GLDN: variants seen among roughly 807,000 people sequenced by gnomAD.
GLDN encodes the protein collomin.
GLDN carries 47 observed loss-of-function variants against 56.5 expected under a neutral mutation model. That is an observed-to-expected ratio of 0.83 (90% CI 0.66 to 1.06). The LOEUF (loss-of-function observed/expected upper bound fraction) is 1.06. GLDN is among the 50% of genes least tolerant of loss of function. GLDN has a pLI of 0.00. For synonymous variants in GLDN, 332 were observed against 278.8 expected (o/e 1.19, Z -1.90); for missense variants, 782 against 714.3 (o/e 1.09, Z -1.08).
chr15:51,360,361 C>G (rs992049819), intron 1 of GLDN: 4 of 152,302 alleles, frequency 2.6e-5, no homozygotes, highest in African/African-American at 9.7e-5. Context: ...ACTGCCCAAA[C>G]AATAAGCTGC....
intron 2 of GLDN, 145 bp from the exon 3 acceptor site, chr15:51,383,291 T>G: frequency 1.2e-6 from 1 of 860,922 alleles, no homozygotes; most frequent in Non-Finnish European, 1.9e-6. Flanking sequence ...AAGGGTCTTT[T>G]GGCCAAATAT....
At chr15:51,399,046 C>A (rs777737988) in intron 6 of GLDN, among the ~76,000 whole-genome samples, 2 of 152,174 alleles carry the variant, frequency 1.3e-5, no homozygotes, top group Non-Finnish European at 2.9e-5. Flanking sequence ...GGTTGCCAAG[C>A]ATTTGCATCT....
intron 1 of GLDN, among the ~76,000 whole-genome samples, chr15:51,342,284 T>A (rs2036901058): frequency 6.6e-6 from 1 of 152,258 alleles, no homozygotes; most frequent in South Asian, 2.1e-4. Flanking sequence ...ACCTCTGACA[T>A]TCTTTGAGTC....
intron 1 of GLDN, among the ~76,000 whole-genome samples, chr15:51,361,670 T>TC (rs2037302556): frequency 6.6e-6 from 1 of 152,192 alleles, no homozygotes; most frequent in Non-Finnish European, 1.5e-5. Flanking sequence ...CATATATATA[T>TC]CCCTGTTCTC....
At position 51,404,405 on chromosome 15, in the gene GLDN, T is replaced by G. The variant is rs1254532807; in HGVS notation, c.1307T>G (p.Ile436Ser). Residue 436 changes from isoleucine to serine, a missense_variant, in exon 10 of 10, where the codon ATT (isoleucine) becomes AGT (serine). Physicochemically the swap from Ile to Ser is moderately radical, Grantham distance 142 (BLOSUM62 -2). Coordinates refer to ENST00000335449, the MANE Select transcript of GLDN (RefSeq NM_181789.4). ...NLAVDEKGLW[I>S]IYASSVDGSS... ...GCTGTAGATGAAAAGGGCCTTTGGA[T>G]TATCTATGCGTCAAGTGTGGACGGC... 1.2e-6 allele frequency: 2 copies of G among 1,614,178 alleles called. No homozygotes were observed. Among genetic ancestry groups the G allele is most frequent in the South Asian group, 2.2e-5 (2 of 91,066 alleles).
At position 51,406,428 on chromosome 15, in the gene GLDN, G is replaced by A. The variant is rs1201818509; in HGVS notation, c.*1674G>A. 1 of 152,172 alleles carries A rather than the reference G, an allele frequency of 6.6e-6. No individual in the cohort carries two copies. The highest frequency in any genetic ancestry group is 1.5e-5 in the Non-Finnish European group (1 of 68,022). 9.4% of individuals were successfully genotyped at this position (152,172 alleles called of 1,614,324 possible). The stretch of plus-strand genomic sequence containing the variant: ...ATTTTTCAGCAACTTGTCCCAATTT[G>A]TGTGTATTCTGAAACTTTCTCTTTG... On this transcript the variant is annotated 3_prime_UTR_variant, in exon 10 of 10. Transcript: ENST00000335449.
intron 1 of GLDN, among the ~76,000 whole-genome samples, chr15:51,350,862 G>A (rs1478137691): frequency 1.3e-5 from 2 of 152,132 alleles, no homozygotes; most frequent in Non-Finnish European, 2.9e-5. Context: ...CAAATGAATG[G>A]CATGAAACCA....
chr15:51,373,014 T>A (rs1301904878), intron 1 of GLDN, among the ~76,000 whole-genome samples: 2 of 151,936 alleles, frequency 1.3e-5, no homozygotes, highest in Non-Finnish European at 2.9e-5. Flanking sequence ...GAGGGTGGAG[T>A]TCTGCAGACC....
At position 51,356,332 on chromosome 15, in the gene GLDN, A is replaced by T. The variant is rs188415743; in HGVS notation, c.363+14285A>T. Among the ~76,000 whole-genome samples the T allele has an allele frequency of 9.2e-3, 1,397 of 152,258 alleles. 27 individuals carry two copies. The highest frequency in any genetic ancestry group is 8.9e-3 in the Non-Finnish European group (604 of 68,010). ...TAGAACACCTCTGACAAAAGGAGCCACTTGGTCCAGATCCATTTAACATCA... is the reference window on the plus strand; with the variant it reads ...TAGAACACCTCTGACAAAAGGAGCCTCTTGGTCCAGATCCATTTAACATCA... On this transcript the variant is annotated intron_variant, in intron 1 of 9. Transcript: ENST00000335449.
rs1348322183 is a variant in GLDN, at chr15:51,377,568, A to G, written c.415+68A>G. The G allele has an allele frequency of 3.4e-6, 4 of 1,193,288 alleles. No individual in the cohort carries two copies. In the East Asian group the frequency reaches 7.0e-5, roughly 21 times the overall value. 73.9% of individuals were successfully genotyped at this position (1,193,288 alleles called of 1,614,324 possible). ...TGTGCCGCTGAAGGCCCGTGGCAGA[A>G]TGAACGCCTAGGGACACTTTGTTAT... On this transcript the variant is annotated intron_variant, in intron 2 of 9. Coordinates refer to ENST00000335449, the MANE Select transcript of GLDN (RefSeq NM_181789.4).
At chr15:51,410,212 T>C (rs2038451258), downstream of GLDN, among the ~76,000 whole-genome samples, 1 of 152,186 alleles carries the variant, frequency 6.6e-6, no homozygotes, top group Non-Finnish European at 1.5e-5. Flanking sequence ...TATCACCCCT[T>C]CCCTCTACGT....
intron 1 of GLDN, among the ~76,000 whole-genome samples, chr15:51,356,282 C>G (rs1481940306): frequency 6.6e-6 from 1 of 151,976 alleles, no homozygotes; most frequent in Non-Finnish European, 1.5e-5. Flanking sequence ...TACCCAGCCC[C>G]TATTCAAGAT....
intron 1 of GLDN, among the ~76,000 whole-genome samples, chr15:51,373,509 T>A (rs1259811489): frequency 1.3e-5 from 2 of 152,244 alleles, no homozygotes. Context: ...CTGTACTGAA[T>A]AATGATAAGT....
chr15:51,371,788 G>A (rs1197141642), intron 1 of GLDN, among the ~76,000 whole-genome samples: 2 of 152,218 alleles, frequency 1.3e-5, no homozygotes, highest in African/African-American at 4.8e-5. Flanking sequence ...GTTCAAGCGA[G>A]TCTCCTGCCT....
In GLDN at chr15:51,383,834, G is replaced by A. The variant is rs1273961990; in HGVS notation, c.483G>A (p.Gln161=). Residue 161 remains glutamine (Q), a synonymous_variant, in exon 4 of 10, where the codon CAG becomes CAA. Coordinates refer to ENST00000335449, the MANE Select transcript of GLDN (RefSeq NM_181789.4). ...CAGGACACAACGGATTGGATGGACA[G>A]CCTGGTCCTCAGGGCCCAAAAGGAG... The part of the protein sequence containing the change: ...GLPGHNGLDG[Q]PGPQGPKGEK... The A allele has an allele frequency of 1.9e-6, 3 of 1,613,420 alleles. No individual in the cohort carries two copies. The highest frequency in any genetic ancestry group is 2.7e-5 in the African/African-American group (2 of 74,806).
intron 1 of GLDN, among the ~76,000 whole-genome samples, chr15:51,369,726 C>T (rs1423631644): frequency 6.6e-6 from 1 of 152,172 alleles, no homozygotes; most frequent in Admixed American, 6.5e-5. Context: ...AATTACACAT[C>T]TATTAGTAAA....
intron 1 of GLDN, among the ~76,000 whole-genome samples, chr15:51,367,909 A>T (rs2037438328): frequency 2.0e-5 from 3 of 152,180 alleles, no homozygotes; most frequent in African/African-American, 2.4e-5. Context: ...TGTGATGTTG[A>T]TAGAGACAGG....
intron 1 of GLDN, chr15:51,367,314 A>G (rs1393809041): frequency 6.6e-6 from 1 of 152,226 alleles, no homozygotes; most frequent in South Asian, 2.1e-4. Context: ...ACTGAAAGTC[A>G]TTTTGCCAGA....
chr15:51,386,130 C>G (rs1215957262), intron 4 of GLDN, among the ~76,000 whole-genome samples: 1 of 152,102 alleles, frequency 6.6e-6, no homozygotes, highest in Admixed American at 6.5e-5. Context: ...GGAACTGCAG[C>G]AAAGACACCC....
Sources: allele counts gnomAD v4.1 joint callset (sites outside exome capture counted in the v4.1 genomes callset), GRCh38; gene constraint gnomAD v4.1.1; transcripts MANE v1.5; gene names NCBI Gene and HGNC (gene_info 2026-07-23, HGNC 2026-07-21).